NRCAM: variants seen among roughly 807,000 people sequenced by gnomAD.
The protein encoded by NRCAM is neuronal cell adhesion molecule.
A neutral mutation model predicts 156.5 loss-of-function variants in NRCAM; 83 were observed. That is an observed-to-expected ratio of 0.53 (90% confidence interval 0.44 to 0.64). The LOEUF is 0.64. Ranked by LOEUF, NRCAM falls within the 30% of genes least tolerant of loss-of-function variation. NRCAM has a pLI of 0.00. For missense variants in NRCAM, 1,417 were observed against 1,597.3 expected (o/e 0.89, Z 1.92); for synonymous variants, 538 against 563.9 (o/e 0.95, Z 0.65).
At chr7:108,343,621 C>T (rs1373163440) in intron 2 of NRCAM, among the ~76,000 whole-genome samples, 1 of 152,172 alleles carries the variant, frequency 6.6e-6, no homozygotes, top group Non-Finnish European at 1.5e-5. Flanking sequence ...ACATAGTTTC[C>T]TCCCCTCAGG....
chr7:108,456,519 T>G (rs1598803014), upstream of NRCAM: 1 of 150,974 alleles, frequency 6.6e-6, no homozygotes, highest in Non-Finnish European at 1.5e-5. Context: ...CTCCCGGCTC[T>G]CCTTAGCGTC....
chr7:108,276,781 G>T (rs2097646960), intron 3 of NRCAM, among the ~76,000 whole-genome samples: 2 of 152,048 alleles, frequency 1.3e-5, no homozygotes, highest in Non-Finnish European at 2.9e-5. Flanking sequence ...TGTCATTATG[G>T]TGCTACCTGA....
At chr7:108,418,690 T>C (rs73424106) in intron 1 of NRCAM, among the ~76,000 whole-genome samples, 2 of 151,940 alleles carry the variant, frequency 1.3e-5, no homozygotes, top group Admixed American at 1.3e-4. Flanking sequence ...ATACACACCA[T>C]CCTCATTTTC....
In NRCAM at chr7:108,209,565, G is replaced by T; in HGVS notation, c.931C>A (p.Leu311Ile). The change falls in exon 12 of 33, where the codon CTA (leucine) becomes ATA (isoleucine). Residue 311 changes from leucine (L) to isoleucine (I), a missense_variant. By Grantham distance (5) the Leu-to-Ile change is conservative. Around this residue, in one of 2 missense-constraint regions of NRCAM, gnomAD observed 1,238 missense variants for 1,336.4 expected, o/e 0.93. Transcript: ENST00000379028. ...TTATAAACTGTCCTGTTTTTGGGTAGCATTCCATCTTCCTTTGCCCAGTAA... is the reference window on the plus strand; with the variant it reads ...TTATAAACTGTCCTGTTTTTGGGTATCATTCCATCTTCCTTTGCCCAGTAA... ...IIYWAKEDGMLPKNRTVYKNF... is the reference protein window; with the variant it reads ...IIYWAKEDGMIPKNRTVYKNF... 1 of 1,610,780 alleles carries T rather than the reference G, an allele frequency of 6.2e-7. No homozygotes were observed. Among genetic ancestry groups the T allele is most frequent in the Non-Finnish European group, 8.5e-7 (1 of 1,178,894 alleles).
At position 108,273,890 on chromosome 7, in the gene NRCAM, T is replaced by C. The variant is rs990848566; in HGVS notation, c.-106-33720A>G. Among the ~76,000 whole-genome samples the C allele has an allele frequency of 7.2e-5, 11 of 152,372 alleles. No homozygotes were observed. In the South Asian group the frequency reaches 2.1e-3, roughly 29 times the overall value. On this transcript the variant is annotated intron_variant, in intron 3 of 32. Transcript: ENST00000379028. ...TATGGTTTTGGGCCTAACATTTAAA[T>C]CTTTAATCCATCTTCAGTTAATTTT...
At chr7:108,275,298 G>A (rs981205215) in intron 3 of NRCAM, among the ~76,000 whole-genome samples, 62 of 152,300 alleles carry the variant, frequency 4.1e-4, no homozygotes, top group African/African-American at 1.4e-3. Flanking sequence ...GATCGGAATA[G>A]CTTCAGAAGG....
intron 2 of NRCAM, among the ~76,000 whole-genome samples, chr7:108,382,639 AC>A (rs1394655641): frequency 1.3e-5 from 2 of 151,836 alleles, no homozygotes; most frequent in Non-Finnish European, 2.9e-5. Context: ...AAAAAAGAAA[AC>A]CCTAAACTAA....
intron 2 of NRCAM, among the ~76,000 whole-genome samples, chr7:108,375,309 A>G (rs963423693): frequency 2.0e-5 from 3 of 151,098 alleles, no homozygotes; most frequent in Non-Finnish European, 4.4e-5. Flanking sequence ...TGAAAGCACC[A>G]CTCTCTCCCC....
chr7:108,298,899 A>C (rs2098511611), intron 3 of NRCAM, among the ~76,000 whole-genome samples: 1 of 150,834 alleles, frequency 6.6e-6, no homozygotes, highest in Non-Finnish European at 1.5e-5. Context: ...TGAGGTCAGG[A>C]GTTCAAGACC....
rs1334625073 is a variant in NRCAM, at chr7:108,177,990, T to C, written c.2974A>G (p.Ile992Val). Reference sequence around the variant, plus strand: ...CCTTCTCTTCCTCCCAACAGCTTACTTGGCTGATACTTTAAGGTGTACTCT... The same window carrying C: ...CCTTCTCTTCCTCCCAACAGCTTACCTGGCTGATACTTTAAGGTGTACTCT... ...LTEYTLKYQPINSTHELGPLV... is the reference protein window; with the variant it reads ...LTEYTLKYQPVNSTHELGPLV... Residue 992 changes from isoleucine (I) to valine (V), a missense_variant and splice_region_variant, in exon 26 of 33, where the codon ATT (isoleucine) becomes GTT (valine). Coordinates refer to ENST00000379028, the MANE Select transcript of NRCAM (RefSeq NM_001037132.4). 2 of 1,601,680 alleles carry C rather than the reference T, an allele frequency of 1.2e-6. No individual in the cohort carries two copies. The highest frequency in any genetic ancestry group is 1.3e-5 in the African/African-American group (1 of 74,572).
intron 3 of NRCAM, among the ~76,000 whole-genome samples, chr7:108,248,213 C>A (rs949034785): frequency 6.6e-6 from 1 of 152,110 alleles, no homozygotes; most frequent in Non-Finnish European, 1.5e-5. Context: ...ACATGCTATA[C>A]CTTATCCACT....
chr7:108,236,551 A>G (rs933473599), intron 5 of NRCAM, among the ~76,000 whole-genome samples: 15 of 152,164 alleles, frequency 9.9e-5, no homozygotes, highest in East Asian at 3.8e-4. Flanking sequence ...CTTAACTTCT[A>G]TAAGTCCTAG....
rs558345284 is a variant in NRCAM, at chr7:108,339,641, G to T, written c.-173-26910C>A. Among the ~76,000 whole-genome samples the T allele has an allele frequency of 3.3e-5, 5 of 152,236 alleles. No individual in the cohort carries two copies. The East Asian group carries it at 9.7e-4, about 29-fold the overall frequency. ...AAGAAAGGCGGGAAAACAGGCGCAG[G>T]ACTGCTACATTGGTAAGCGTAACTA... On this transcript the variant is annotated intron_variant, in intron 2 of 32. Transcript: ENST00000379028.
intron 7 of NRCAM, 141 bp from the exon 8 acceptor site, chr7:108,231,294 A>G (rs1032708456): frequency 8.4e-6 from 5 of 596,780 alleles, no homozygotes; most frequent in African/African-American, 7.8e-5. Flanking sequence ...AATATTTTTA[A>G]ATACAATGTT....
At chr7:108,321,235 T>C (rs1422826284) in intron 2 of NRCAM, among the ~76,000 whole-genome samples, 1 of 152,334 alleles carries the variant, frequency 6.6e-6, no homozygotes, top group South Asian at 2.1e-4. Flanking sequence ...TGTTTTATTA[T>C]AACCTACTGT....
chr7:108,165,898 G>A (rs1563216809), intron 30 of NRCAM, among the ~76,000 whole-genome samples: 1 of 152,158 alleles, frequency 6.6e-6, no homozygotes, highest in Admixed American at 6.5e-5. Context: ...AATAACATGG[G>A]GGTATGAACC....
intron 22 of NRCAM, 27 bp from the exon 23 acceptor site, chr7:108,182,947 C>A: frequency 1.3e-6 from 2 of 1,576,974 alleles, no homozygotes; most frequent in Non-Finnish European, 8.7e-7. Context: ...ATAACCAGAG[C>A]TTATAACACA....
intron 2 of NRCAM, among the ~76,000 whole-genome samples, chr7:108,340,424 G>A (rs1489245903): frequency 3.3e-5 from 5 of 152,188 alleles, no homozygotes; most frequent in African/African-American, 4.8e-5. Flanking sequence ...CTGACATGGA[G>A]AGATGTAATG....
At position 108,433,102 on chromosome 7, in the gene NRCAM, A is replaced by T. The variant is rs1394705283; in HGVS notation, c.-332+23141T>A. Among the ~76,000 whole-genome samples, 3 of 152,148 alleles carry T rather than the reference A, an allele frequency of 2.0e-5. No homozygotes were observed. In the East Asian group the frequency reaches 5.8e-4, roughly 29 times the overall value. On this transcript the variant is annotated intron_variant, in intron 1 of 32. Coordinates refer to ENST00000379028, the MANE Select transcript of NRCAM (RefSeq NM_001037132.4). ...ATACTTGGAGCAAGAGTGCAAATGG[A>T]GGCTCTCTTTGTTCCCACCCATCCC... is the stretch of plus-strand genomic sequence containing the variant.
Sources: allele counts gnomAD v4.1 joint callset (sites outside exome capture counted in the v4.1 genomes callset), GRCh38; gene constraint gnomAD v4.1.1; regional missense constraint gnomAD v4.1.1; transcripts MANE v1.5; gene names NCBI Gene and HGNC (gene_info 2026-07-23, HGNC 2026-07-21).